The following LRRC4C variants were observed in gnomAD, a reference collection of about 807,000 sequenced individuals.
The protein encoded by LRRC4C is leucine rich repeat containing 4C, also known as leucine-rich repeat-containing protein 4C.
Under a neutral mutation model 33.6 loss-of-function variants are expected in LRRC4C, and 5 were observed. That is an observed-to-expected ratio of 0.15 (90% confidence interval 0.08 to 0.31). The LOEUF is 0.31. LRRC4C is among the 10% of genes least tolerant of loss of function. The pLI, the probability that LRRC4C is intolerant of heterozygous loss-of-function variation, is 1.00. For missense variants in LRRC4C, 560 were observed against 796.7 expected (o/e 0.70, Z 3.58); for synonymous variants, 329 against 302.0 (o/e 1.09, Z -0.93).
chr11:40,326,041 G>A (rs1590323837), intron 3 of LRRC4C, among the ~76,000 whole-genome samples: 1 of 148,864 alleles, frequency 6.7e-6, no homozygotes, highest in African/African-American at 2.5e-5. Context: ...GCTGTCTGCT[G>A]AAAGGTGGCA....
intron 2 of LRRC4C, among the ~76,000 whole-genome samples, chr11:40,665,322 AAAAATATATAT>A (rs1207386528): frequency 2.1e-3 from 25 of 12,034 alleles, no homozygotes; most frequent in African/African-American, 4.6e-3. Flanking sequence ...AAAAAAAAAA[AAAAATATATAT>A]ATATATATAT....
chr11:40,615,259 TATATATACACACAC>T (rs1462993536), intron 3 of LRRC4C, among the ~76,000 whole-genome samples: 10 of 51,668 alleles, frequency 1.9e-4, no homozygotes, highest in Admixed American at 7.9e-4. Flanking sequence ...TATATATATA[TATATATACACACAC>T]ACACACATAT....
rs377436648 is a variant in LRRC4C, at chr11:40,340,972, A to G, written c.-269-21251T>C. Among the ~76,000 whole-genome samples, 11 of 152,142 alleles carry G rather than the reference A, an allele frequency of 7.2e-5. No individual in the cohort carries two copies. The East Asian group carries it at 9.7e-4, about 13-fold the overall frequency. On this transcript the variant is annotated intron_variant, in intron 3 of 6. Transcript: ENST00000528697. ...CTCACAATCCATATATTTCTGTTAC[A>G]TGTCATGTTTTGGTCGTGAGTGCAG... is the stretch of plus-strand genomic sequence containing the variant.
chr11:40,697,937 G>A lies in LRRC4C; in HGVS notation c.-406-49659C>T, dbSNP rs577712246. Among the ~76,000 whole-genome samples the A allele has an allele frequency of 1.2e-3, 188 of 151,788 alleles. 2 individuals are homozygous for A. Among genetic ancestry groups the A allele is most frequent in the African/African-American group, 4.3e-3 (177 of 41,424 alleles). ...CAAAAAATTAGCCAGGCATGGTGGCGGGCGCCTGTAGTCCCAGCTACAGGG... is the reference window on the plus strand; with the variant it reads ...CAAAAAATTAGCCAGGCATGGTGGCAGGCGCCTGTAGTCCCAGCTACAGGG... On this transcript the variant is annotated intron_variant, in intron 2 of 6. Transcript: ENST00000528697.
intron 2 of LRRC4C, among the ~76,000 whole-genome samples, chr11:40,848,837 G>T (rs1231400894): frequency 6.6e-6 from 1 of 152,110 alleles, no homozygotes; most frequent in East Asian, 1.9e-4. Flanking sequence ...CCTGTACTGG[G>T]TGCATATATA....
chr11:41,344,356 G>A (rs1480744649), intron 1 of LRRC4C, among the ~76,000 whole-genome samples: 2 of 151,800 alleles, frequency 1.3e-5, no homozygotes, highest in African/African-American at 4.8e-5. Context: ...GAGTAGCTGG[G>A]AGTACAGGCG....
chr11:40,482,448 A>G (rs1313943778), intron 3 of LRRC4C, among the ~76,000 whole-genome samples: 4 of 151,468 alleles, frequency 2.6e-5, no homozygotes, highest in Non-Finnish European at 5.9e-5. Context: ...AGAAACATCA[A>G]TTACAGGAAT....
intron 2 of LRRC4C, among the ~76,000 whole-genome samples, chr11:40,750,508 C>G (rs1444342776): frequency 6.6e-6 from 1 of 151,850 alleles, no homozygotes; most frequent in East Asian, 1.9e-4. Flanking sequence ...TTTGTAGGGA[C>G]ATGGATGAAG....
chr11:40,972,999 T>A (rs2137010652), intron 1 of LRRC4C, among the ~76,000 whole-genome samples: 1 of 152,222 alleles, frequency 6.6e-6, no homozygotes, highest in East Asian at 1.9e-4. Flanking sequence ...CCAGTGAGTC[T>A]CTCCTGAGAC....
intron 4 of LRRC4C, among the ~76,000 whole-genome samples, chr11:40,277,404 C>T (rs996926813): frequency 6.6e-5 from 10 of 151,958 alleles, no homozygotes; most frequent in African/African-American, 2.4e-4. Flanking sequence ...CCTGGCCAAA[C>T]TAGAGGCAAA....
chr11:41,015,573 C>G (rs1395433989), intron 1 of LRRC4C, among the ~76,000 whole-genome samples: 3 of 152,072 alleles, frequency 2.0e-5, no homozygotes, highest in Non-Finnish European at 1.5e-5. Flanking sequence ...CTAGGCCTCC[C>G]AAAGTGCTAG....
chr11:41,390,661 T>C (rs570390367), intron 1 of LRRC4C, among the ~76,000 whole-genome samples: 9 of 152,040 alleles, frequency 5.9e-5, no homozygotes, highest in Non-Finnish European at 1.2e-4. Flanking sequence ...ATGAACTTCA[T>C]CTGATCATCT....
intron 3 of LRRC4C, among the ~76,000 whole-genome samples, chr11:40,462,633 T>C (rs1952454793): frequency 1.3e-5 from 2 of 152,178 alleles, no homozygotes; most frequent in Admixed American, 6.6e-5. Context: ...CACAAATAAA[T>C]ATATATTATT....
chr11:40,924,240 A>G (rs886963870), intron 2 of LRRC4C, among the ~76,000 whole-genome samples: 2 of 151,946 alleles, frequency 1.3e-5, no homozygotes, highest in Non-Finnish European at 1.5e-5. Context: ...AGTATGGAGT[A>G]AGGTGAGAGA....
chr11:40,909,919 T>C (rs545128976), intron 2 of LRRC4C, among the ~76,000 whole-genome samples: 3 of 152,314 alleles, frequency 2.0e-5, no homozygotes, highest in Non-Finnish European at 2.9e-5. Flanking sequence ...TTAGAAAATA[T>C]AATAAACAAC....
At chr11:40,940,925 CT>C (rs35666750) in intron 1 of LRRC4C, among the ~76,000 whole-genome samples, 113,294 of 131,674 alleles carry the variant, frequency 0.86, 49,011 homozygotes, top group East Asian at 0.98. Flanking sequence ...GTTACAAAAT[CT>C]TTTTTTTTTT....
Position 40,926,708 on chromosome 11 carries a change from A to G in LRRC4C, c.-407+6927T>C, listed in dbSNP as rs543704744. On this transcript the variant is annotated intron_variant, in intron 2 of 6. Transcript: ENST00000528697. The stretch of plus-strand genomic sequence containing the variant: ...AAAATTATACTTTAAGTTCCAGGGT[A>G]CTTCTAATACTAGAGTATTCATTAA... Among the ~76,000 whole-genome samples, 209 of 152,320 alleles carry G rather than the reference A, an allele frequency of 1.4e-3. 1 individual carries two copies. The highest frequency in any genetic ancestry group is 2.2e-3 in the Non-Finnish European group (147 of 68,030).
chr11:40,114,403 G>A lies in LRRC4C; in HGVS notation c.1890C>T (p.Asn630=), dbSNP rs1855258496. 1 of 1,613,736 alleles carries A rather than the reference G, an allele frequency of 6.2e-7. No homozygotes were observed. Among genetic ancestry groups the A allele is most frequent in the Non-Finnish European group, 8.5e-7 (1 of 1,179,918 alleles). ...SVHEPLLIRM[N]SKDNVQETQI is the part of the protein sequence containing the mutation. The stretch of plus-strand genomic sequence containing the variant: ...GAGTCTCTTGTACATTGTCTTTAGA[G>A]TTCATTCGGATCAATAACGGTTCAT... Residue 630 remains asparagine, a synonymous_variant, in exon 7 of 7, where the codon AAC becomes AAT. Coordinates refer to ENST00000528697, the MANE Select transcript of LRRC4C (RefSeq NM_001258419.2).
At chr11:41,179,809 A>C (rs1292997497) in intron 1 of LRRC4C, among the ~76,000 whole-genome samples, 3 of 152,230 alleles carry the variant, frequency 2.0e-5, no homozygotes, top group Non-Finnish European at 4.4e-5. Context: ...CCAGCCATTC[A>C]TGTACTGAAT....
Sources: gnomAD v4.1 joint callset for allele counts (sites outside exome capture counted in the v4.1 genomes callset) on GRCh38, gnomAD v4.1.1 for gene constraint, MANE v1.5 for transcripts, NCBI Gene and HGNC (gene_info 2026-07-23, HGNC 2026-07-21) for gene names.